The following RERE variants were observed in gnomAD, a reference collection of about 807,000 sequenced individuals.
RERE encodes arginine-glutamic acid dipeptide repeats protein.
Under a neutral mutation model 146.1 loss-of-function variants are expected in RERE, and 40 were observed. The ratio of observed to expected loss-of-function variants is 0.27; its 90% confidence interval spans 0.21 to 0.36. The LOEUF (loss-of-function observed/expected upper bound fraction) is 0.36. RERE is among the 10% of genes least tolerant of loss of function. The pLI is 1.00. For missense variants in RERE, 1,933 were observed against 2,138.7 expected (o/e 0.90, Z 1.90); for synonymous variants, 1,003 against 866.0 (o/e 1.16, Z -2.78).
chr1:8,630,821 C>T (rs1647026413), intron 2 of RERE, among the ~76,000 whole-genome samples: 1 of 152,200 alleles, frequency 6.6e-6, no homozygotes, highest in South Asian at 2.1e-4. Flanking sequence ...CTTCCCAGTC[C>T]TTACCCTTAC....
At chr1:8,574,213 A>C (rs902435409) in intron 4 of RERE, among the ~76,000 whole-genome samples, 4 of 152,128 alleles carry the variant, frequency 2.6e-5, no homozygotes, top group Non-Finnish European at 5.9e-5. Context: ...TTCCTTCTAC[A>C]CATCTGTGTA....
At chr1:8,377,412 C>T (rs1642294166) in intron 12 of RERE, among the ~76,000 whole-genome samples, 1 of 152,014 alleles carries the variant, frequency 6.6e-6, no homozygotes, top group Non-Finnish European at 1.5e-5. Context: ...GGTAGAGCCT[C>T]CCAAACCCTA....
chr1:8,396,741 C>T (rs1247866099), intron 12 of RERE, among the ~76,000 whole-genome samples: 1 of 152,162 alleles, frequency 6.6e-6, no homozygotes, highest in Non-Finnish European at 1.5e-5. Flanking sequence ...ATCTACAATG[C>T]GTGCAGCCCT....
intron 1 of RERE, among the ~76,000 whole-genome samples, chr1:8,753,220 T>A (rs2124519444): frequency 6.6e-6 from 1 of 152,286 alleles, no homozygotes; most frequent in Admixed American, 6.5e-5. Context: ...AAGGAGGGAA[T>A]AAACAATATA....
chr1:8,592,757 C>T (rs535627799), intron 4 of RERE, among the ~76,000 whole-genome samples: 2 of 152,080 alleles, frequency 1.3e-5, no homozygotes, highest in African/African-American at 4.8e-5. Flanking sequence ...TACTTTTACA[C>T]CCTATCCTAG....
chr1:8,400,960 G>C (rs1481880019), intron 12 of RERE, among the ~76,000 whole-genome samples: 2 of 138,056 alleles, frequency 1.4e-5, no homozygotes, highest in Admixed American at 7.4e-5. Flanking sequence ...TGAGGCTGCA[G>C]TGAGCCATGA....
Position 8,355,008 on chromosome 1 carries a change from GCTC to G in RERE, c.*76_*78del, listed in dbSNP as rs1371134216. The G allele has an allele frequency of 1.7e-6, 2 of 1,166,412 alleles. No homozygotes were observed. Among genetic ancestry groups the G allele is most frequent in the Non-Finnish European group, 1.3e-6 (1 of 794,880 alleles). 72.3% of individuals were successfully genotyped at this position (1,166,412 alleles called of 1,614,324 possible). The stretch of plus-strand genomic sequence containing the variant: ...AGAAGATATTCTTTTTGCTTTTGCA[GCTC>G]CTATTTTATGTAAAAAGTCCTGTTT... On this transcript the variant is annotated 3_prime_UTR_variant, in exon 23 of 23. Transcript: ENST00000400908.
At chr1:8,795,026 G>A (rs1203377029) in intron 1 of RERE, among the ~76,000 whole-genome samples, 1 of 152,030 alleles carries the variant, frequency 6.6e-6, no homozygotes, top group Non-Finnish European at 1.5e-5. Flanking sequence ...ATGTTACCCA[G>A]ACTGTCTTTT....
At chr1:8,751,012 TA>T in intron 1 of RERE, 1 of 637,934 alleles carries the variant, frequency 1.6e-6, no homozygotes, top group Non-Finnish European at 2.8e-6. Context: ...AGATCTAAAC[TA>T]TTGGAAAATG....
chr1:8,793,182 G>GAAAGA (rs1641400705), intron 1 of RERE, among the ~76,000 whole-genome samples: 1 of 141,460 alleles, frequency 7.1e-6, no homozygotes, highest in Admixed American at 7.0e-5. Context: ...AAAAAAGAAA[G>GAAAGA]AAAGAAAGAA....
intron 2 of RERE, among the ~76,000 whole-genome samples, chr1:8,641,209 G>T (rs933566399): frequency 6.6e-6 from 1 of 152,106 alleles, no homozygotes; most frequent in African/African-American, 2.4e-5. Flanking sequence ...TTTAAATTAC[G>T]TTATCCAACT....
chr1:8,544,198 A>T (rs1228899520), intron 6 of RERE, among the ~76,000 whole-genome samples: 1 of 152,212 alleles, frequency 6.6e-6, no homozygotes, highest in Non-Finnish European at 1.5e-5. Context: ...CATTCCTGGA[A>T]TAAATCCCAG....
chr1:8,601,501 G>A (rs1646625121), intron 4 of RERE, among the ~76,000 whole-genome samples: 1 of 152,056 alleles, frequency 6.6e-6, no homozygotes, highest in East Asian at 1.9e-4. Flanking sequence ...AAGACTGTTT[G>A]AGAGTGGGAG....
intron 11 of RERE, among the ~76,000 whole-genome samples, chr1:8,440,571 C>G (rs899255020): frequency 8.1e-5 from 10 of 123,568 alleles, no homozygotes; most frequent in Admixed American, 4.6e-4. Context: ...AGCCTGGCGA[C>G]AGAGCGAGAC....
intron 12 of RERE, among the ~76,000 whole-genome samples, chr1:8,377,029 CA>C (rs1642280347): frequency 6.6e-6 from 1 of 152,218 alleles, no homozygotes. Context: ...GAAGCACTGA[CA>C]GTGGCCTAAC....
chr1:8,597,295 C>T (rs566702684), intron 4 of RERE, among the ~76,000 whole-genome samples: 2 of 152,060 alleles, frequency 1.3e-5, no homozygotes, highest in African/African-American at 2.4e-5. Context: ...TGCCATGTTG[C>T]CCAGGCTGGT....
intron 1 of RERE, among the ~76,000 whole-genome samples, chr1:8,734,384 G>A (rs927349086): frequency 6.6e-6 from 1 of 152,136 alleles, no homozygotes; most frequent in Admixed American, 6.5e-5. Context: ...GCCATTGCTG[G>A]TCATCCTAGA....
At chr1:8,786,451 T>C in intron 1 of RERE, 2 of 915,608 alleles carry the variant, frequency 2.2e-6, no homozygotes, top group Non-Finnish European at 3.6e-6. Context: ...AATTTGTTTA[T>C]TCATCTTGCC....
intron 2 of RERE, among the ~76,000 whole-genome samples, chr1:8,638,945 T>C (rs1647138756): frequency 6.6e-6 from 1 of 152,084 alleles, no homozygotes; most frequent in South Asian, 2.1e-4. Context: ...GGCTAATTGT[T>C]TGCATTTTTA....
Sources: allele counts gnomAD v4.1 joint callset (sites outside exome capture counted in the v4.1 genomes callset), GRCh38; gene constraint gnomAD v4.1.1; transcripts MANE v1.5; gene names NCBI Gene and HGNC (gene_info 2026-07-23, HGNC 2026-07-21).